The following ZBTB20 variants were observed in gnomAD, a reference collection of about 807,000 sequenced individuals.
The protein encoded by ZBTB20 is zinc finger and BTB domain containing 20, also known as zinc finger and BTB domain-containing protein 20.
A neutral mutation model predicts 56.9 loss-of-function variants in ZBTB20; 9 were observed. The observed-to-expected ratio is 0.16, with a 90% confidence interval of 0.10 to 0.28. The LOEUF (loss-of-function observed/expected upper bound fraction) is 0.28, where lower values mean the gene tolerates loss of function less well. Ranked by LOEUF, ZBTB20 falls within the 10% of genes least tolerant of loss-of-function variation. The pLI, the probability that ZBTB20 is intolerant of heterozygous loss-of-function variation, is 1.00. For missense variants in ZBTB20, 655 were observed against 1,003.0 expected (o/e 0.65, Z 4.69); for synonymous variants, 417 against 420.7 (o/e 0.99, Z 0.11).
intron 4 of ZBTB20, among the ~76,000 whole-genome samples, chr3:114,897,817 G>C (rs1196774717): frequency 6.6e-6 from 1 of 152,096 alleles, no homozygotes; most frequent in East Asian, 1.9e-4. Flanking sequence ...TCATAAACCA[G>C]TGGTACTAAA....
intron 6 of ZBTB20, among the ~76,000 whole-genome samples, chr3:114,613,117 T>C (rs1242436453): frequency 6.6e-6 from 1 of 152,154 alleles, no homozygotes; most frequent in Non-Finnish European, 1.5e-5. Flanking sequence ...GGTTCTAGTG[T>C]GGTGTTCACA....
chr3:114,552,207 G>C (rs987360757), intron 6 of ZBTB20, among the ~76,000 whole-genome samples: 2 of 152,124 alleles, frequency 1.3e-5, no homozygotes, highest in Non-Finnish European at 2.9e-5. Flanking sequence ...GCGAGACCTT[G>C]TCTCTAAACA....
chr3:114,521,918 A>C (rs2046683325), intron 6 of ZBTB20, among the ~76,000 whole-genome samples: 1 of 152,182 alleles, frequency 6.6e-6, no homozygotes, highest in Non-Finnish European at 1.5e-5. Context: ...CCAGGGAAAG[A>C]ATCAGTTATT....
chr3:114,547,869 A>T (rs1445380082), intron 6 of ZBTB20, among the ~76,000 whole-genome samples: 2 of 152,160 alleles, frequency 1.3e-5, no homozygotes, highest in Admixed American at 6.5e-5. Context: ...TAAAGAGTGT[A>T]TTTTCATTTT....
At chr3:114,532,618 A>G (rs1488391571) in intron 6 of ZBTB20, among the ~76,000 whole-genome samples, 1 of 152,182 alleles carries the variant, frequency 6.6e-6, no homozygotes, top group African/African-American at 2.4e-5. Context: ...CAGATCTCCC[A>G]TCACAGAGCT....
intron 5 of ZBTB20, among the ~76,000 whole-genome samples, chr3:114,771,485 CCTT>C (rs1350605283): frequency 6.6e-6 from 1 of 152,064 alleles, no homozygotes; most frequent in Non-Finnish European, 1.5e-5. Flanking sequence ...GGGAAATTAT[CCTT>C]CTTACTTAAA....
intron 6 of ZBTB20, among the ~76,000 whole-genome samples, chr3:114,673,584 T>A (rs888939448): frequency 6.6e-6 from 1 of 151,998 alleles, no homozygotes; most frequent in African/African-American, 2.4e-5. Context: ...AGGGTGAAAA[T>A]TAAGATAAAT....
chr3:114,814,671 G>A (rs948600212), intron 4 of ZBTB20, among the ~76,000 whole-genome samples: 4 of 152,134 alleles, frequency 2.6e-5, no homozygotes, highest in Admixed American at 6.5e-5. Context: ...GATGATTCTT[G>A]CCTTTCTGTG....
intron 6 of ZBTB20, among the ~76,000 whole-genome samples, chr3:114,507,348 C>T (rs767176637): frequency 5.3e-5 from 8 of 152,052 alleles, no homozygotes; most frequent in Non-Finnish European, 8.8e-5. Context: ...TAAAAATAGT[C>T]CCCTTTGCCA....
At chr3:114,539,273 A>G (rs1225177614) in intron 6 of ZBTB20, among the ~76,000 whole-genome samples, 1 of 152,120 alleles carries the variant, frequency 6.6e-6, no homozygotes, top group Non-Finnish European at 1.5e-5. Flanking sequence ...ATACATTTTA[A>G]GTCTCACGGT....
rs374215671 is a variant in ZBTB20 at position 114,439,968 on chromosome 3, G to A, written c.-254-50863C>T. On this transcript the variant is annotated intron_variant, in intron 7 of 11. Coordinates refer to ENST00000675478, the MANE Select transcript of ZBTB20 (RefSeq NM_001348800.3). ...AGGCCATTAGGGTCCATAAGTAGAT[G>A]GAAATGTGTTTGAATCTCTATAATC... is the stretch of plus-strand genomic sequence containing the variant. 3.2e-4 allele frequency among the ~76,000 whole-genome samples: 48 copies of A among 152,220 alleles called. No homozygotes were observed. The East Asian group carries it at 4.6e-3, about 15-fold the overall frequency.
intron 7 of ZBTB20, among the ~76,000 whole-genome samples, chr3:114,465,329 A>G (rs935466026): frequency 3.3e-5 from 5 of 152,152 alleles, no homozygotes; most frequent in Non-Finnish European, 7.4e-5. Context: ...ATTTTTCTGA[A>G]ACAGTACCAC....
intron 5 of ZBTB20, among the ~76,000 whole-genome samples, chr3:114,751,708 T>A (rs570960113): frequency 6.6e-6 from 1 of 152,270 alleles, no homozygotes; most frequent in South Asian, 2.1e-4. Flanking sequence ...AATCACAAAT[T>A]GTTGCAACAA....
At chr3:114,725,704 G>A (rs1179651908) in intron 5 of ZBTB20, among the ~76,000 whole-genome samples, 1 of 152,164 alleles carries the variant, frequency 6.6e-6, no homozygotes, top group Non-Finnish European at 1.5e-5. Context: ...CAACAAATGT[G>A]CATTAACTCT....
At chr3:114,952,173 T>C (rs1461714667) in intron 3 of ZBTB20, among the ~76,000 whole-genome samples, 2 of 151,936 alleles carry the variant, frequency 1.3e-5, no homozygotes, top group Non-Finnish European at 2.9e-5. Context: ...TGTGGAAATT[T>C]AATTGCCATT....
intron 4 of ZBTB20, among the ~76,000 whole-genome samples, chr3:114,806,932 A>G (rs1429060354): frequency 6.6e-6 from 1 of 151,982 alleles, no homozygotes; most frequent in African/African-American, 2.4e-5. Context: ...GATCAAAAAT[A>G]TGATGAATTT....
At chr3:114,346,750 A>G (rs2080219403) in intron 11 of ZBTB20, among the ~76,000 whole-genome samples, 3 of 144,824 alleles carry the variant, frequency 2.1e-5, no homozygotes, top group Non-Finnish European at 3.0e-5. Context: ...CAGTGGTGTG[A>G]TCTCCGCTCA....
chr3:114,730,698 C>T (rs1684646635), intron 5 of ZBTB20, among the ~76,000 whole-genome samples: 2 of 152,142 alleles, frequency 1.3e-5, no homozygotes, highest in South Asian at 2.1e-4. Context: ...CCTGATGACA[C>T]CTCAGTATTG....
chr3:115,128,927 G>T (rs1006778764), intron 1 of ZBTB20, among the ~76,000 whole-genome samples: 2 of 151,966 alleles, frequency 1.3e-5, no homozygotes, highest in African/African-American at 4.8e-5. Flanking sequence ...GTGAAACCCC[G>T]TCTCTACTAA....
Sources: allele counts gnomAD v4.1 joint callset (sites outside exome capture counted in the v4.1 genomes callset), GRCh38; gene constraint gnomAD v4.1.1; transcripts MANE v1.5; gene names NCBI Gene and HGNC (gene_info 2026-07-23, HGNC 2026-07-21).